The following ARHGEF10 variants were observed in gnomAD, a reference collection of about 807,000 sequenced individuals.
ARHGEF10 encodes the protein Rho guanine nucleotide exchange factor 10.
Under a neutral mutation model 147.4 loss-of-function variants are expected in ARHGEF10, and 140 were observed. The observed-to-expected ratio is 0.95, with a 90% confidence interval of 0.83 to 1.09. ARHGEF10 has a LOEUF of 1.09. Among genes scored for constraint, ARHGEF10 ranks in the 50% least tolerant of loss-of-function variants. The probability of loss-of-function intolerance (pLI) is 0.00; values close to 1 mark genes in which losing one functional copy is unlikely to be tolerated. For synonymous variants in ARHGEF10, 902 were observed against 695.8 expected (o/e 1.30, Z -4.67); for missense variants, 2,222 against 1,752.7 (o/e 1.27, Z -4.78).
intron 10 of ARHGEF10, 41 bp downstream of exon 10, chr8:1,882,790 TG>T (rs34599746): frequency 0.72 from 713,045 of 995,210 alleles, 233,096 homozygotes; most frequent in East Asian, 1. Context: ...GACACGGGGT[TG>T]GGGGGGGCGG....
chr8:1,878,390 T>C (rs1185155213), intron 8 of ARHGEF10, among the ~76,000 whole-genome samples: 2 of 152,144 alleles, frequency 1.3e-5, no homozygotes, highest in African/African-American at 2.4e-5. Flanking sequence ...TTTCACCATA[T>C]TGGCCAGGCT....
chr8:1,889,220 G>GGTGAGGGTTGTGTGAGATACTTAGGGGT (rs56072337), intron 11 of ARHGEF10, among the ~76,000 whole-genome samples: 1 of 90,040 alleles, frequency 1.1e-5, no homozygotes, highest in Non-Finnish European at 2.0e-5. Context: ...CACTGAATGG[G>GGTGAGGGTTGTGTGAGATACTTAGGGGT]GTGAGGGTTG....
At chr8:1,839,561 TG>T (rs1363694255) in intron 1 of ARHGEF10, among the ~76,000 whole-genome samples, 3 of 134,220 alleles carry the variant, frequency 2.2e-5, no homozygotes, top group Admixed American at 7.5e-5. Context: ...CTGTCTGGTG[TG>T]GGGAGTGTCT....
intron 1 of ARHGEF10, among the ~76,000 whole-genome samples, chr8:1,831,760 A>AC (rs376350218): frequency 4.0e-4 from 61 of 152,316 alleles, no homozygotes; most frequent in African/African-American, 1.3e-3. Context: ...TCGCTCCTGG[A>AC]CACCTGCACA....
chr8:1,845,277 G>T (rs913256315), intron 2 of ARHGEF10, among the ~76,000 whole-genome samples: 1 of 151,276 alleles, frequency 6.6e-6, no homozygotes, highest in Admixed American at 6.6e-5. Flanking sequence ...CACTTTGGGC[G>T]GCTGTCCCTC....
rs557515645 is a variant in ARHGEF10, at chr8:1,850,929, C to T, written c.38-7031C>T. The stretch of plus-strand genomic sequence containing the variant: ...GGAGCCTTAAATGCATCTTACTGAG[C>T]GAGAGAAGCCAACCTGAAAAGGCTG... On this transcript the variant is annotated intron_variant, in intron 2 of 28. Coordinates refer to ENST00000349830, the MANE Select transcript of ARHGEF10 (RefSeq NM_014629.4). Among the ~76,000 whole-genome samples the T allele has an allele frequency of 2.6e-5, 4 of 151,976 alleles. No homozygotes were observed. The South Asian group carries it at 6.2e-4, about 24-fold the overall frequency.
chr8:1,836,548 T>C (rs1452734776), intron 1 of ARHGEF10, among the ~76,000 whole-genome samples: 1 of 152,070 alleles, frequency 6.6e-6, no homozygotes, highest in Non-Finnish European at 1.5e-5. Context: ...GGGGGTGGGA[T>C]GTTTTGTGTG....
chr8:1,921,108 A>G (rs563909385), intron 18 of ARHGEF10, among the ~76,000 whole-genome samples: 2 of 152,318 alleles, frequency 1.3e-5, no homozygotes, highest in South Asian at 4.1e-4. Context: ...ACGAAACTTC[A>G]TGATACTTCA....
chr8:1,847,833 G>C (rs934253519), intron 2 of ARHGEF10, among the ~76,000 whole-genome samples: 3 of 152,228 alleles, frequency 2.0e-5, no homozygotes, highest in African/African-American at 7.2e-5. Flanking sequence ...ACCTTCATAT[G>C]AGAATCAAAC....
Position 1,876,535 on chromosome 8 carries a change from A to G in ARHGEF10, c.680-36A>G, listed in dbSNP as rs954309695. ...CACAAAACAGCCCACATGGAATTCT[A>G]AAGTTTTAATTTCATTTTGGAATTT... On this transcript the variant is annotated intron_variant, in intron 7 of 28. Coordinates refer to ENST00000349830, the MANE Select transcript of ARHGEF10 (RefSeq NM_014629.4). 7.5e-6 allele frequency: 12 copies of G among 1,604,716 alleles called. No individual in the cohort carries two copies. The African/African-American group carries it at 1.6e-4, about 21-fold the overall frequency.
intron 17 of ARHGEF10, among the ~76,000 whole-genome samples, chr8:1,906,893 A>G (rs1810937984): frequency 6.6e-6 from 1 of 152,230 alleles, no homozygotes. Flanking sequence ...CAGCTACAAA[A>G]TAAGTCCAAA....
chr8:1,944,767 C>G (rs945467416), intron 26 of ARHGEF10, among the ~76,000 whole-genome samples: 1 of 152,238 alleles, frequency 6.6e-6, no homozygotes, highest in African/African-American at 2.4e-5. Flanking sequence ...TCTGTCACCC[C>G]CTCCAATCCC....
chr8:1,844,424 A>C (rs146852777), intron 2 of ARHGEF10, among the ~76,000 whole-genome samples: 2,353 of 25,606 alleles, frequency 0.092, 34 homozygotes, highest in Non-Finnish European at 0.1. Flanking sequence ...TCCAGGGGTC[A>C]CCGGGGCCTG....
In ARHGEF10 at chr8:1,949,005, C is replaced by T. The variant is rs952036988; in HGVS notation, c.3397+3350C>T. 2.2e-5 allele frequency among the ~76,000 whole-genome samples: 3 copies of T among 136,152 alleles called. No individual in the cohort carries two copies. In the Admixed American group the frequency reaches 2.2e-4, roughly 10 times the overall value. 89.3% of individuals were successfully genotyped at this position (136,152 alleles called of 152,430 possible). A position where few individuals can be genotyped will look rare whatever the true frequency, so the allele number is the denominator to read the frequency against. ...CTAGAGTTGTATTCATGACGATGCT[C>T]AAATGGGTTTTCATGTGTGTGTGTG... On this transcript the variant is annotated intron_variant, in intron 27 of 28. Coordinates refer to ENST00000349830, the MANE Select transcript of ARHGEF10 (RefSeq NM_014629.4).
At chr8:1,892,254 C>T (rs1296863729) in intron 11 of ARHGEF10, among the ~76,000 whole-genome samples, 1 of 146,978 alleles carries the variant, frequency 6.8e-6, no homozygotes, top group Non-Finnish European at 1.5e-5. Context: ...GTAGCAGCAG[C>T]TGCAGCTTCC....
intron 2 of ARHGEF10, among the ~76,000 whole-genome samples, chr8:1,845,975 A>G (rs544038230): frequency 6.6e-6 from 1 of 152,312 alleles, no homozygotes; most frequent in African/African-American, 2.4e-5. Context: ...AGAGTATGAC[A>G]GGTCCACGCC....
chr8:1,889,391 AT>A (rs1487121108), intron 11 of ARHGEF10, among the ~76,000 whole-genome samples: 1 of 82,356 alleles, frequency 1.2e-5, no homozygotes, highest in Non-Finnish European at 2.3e-5. Flanking sequence ...GGAGACAGTG[AT>A]GTGAGGCATC....
At chr8:1,852,298 G>A (rs1353124995) in intron 2 of ARHGEF10, among the ~76,000 whole-genome samples, 1 of 22,370 alleles carries the variant, frequency 4.5e-5, no homozygotes, top group African/African-American at 2.1e-4. Flanking sequence ...GGAGAGGACC[G>A]GGGAGCAGCA....
chr8:1,905,609 T>C lies in ARHGEF10; in HGVS notation c.1860T>C (p.Asp620=), dbSNP rs749634568. The part of the protein sequence containing the change: ...SSGSRYLIRS[D]DMIETVYNDR... The stretch of plus-strand genomic sequence containing the variant: ...GAAGCCGATACCTCATTCGATCAGA[T>C]GATATGATAGAAACAGTTTACAACG... The change falls in exon 17 of 29, where the codon GAT becomes GAC. Residue 620 remains aspartate (D), a synonymous_variant. Coordinates refer to ENST00000349830, the MANE Select transcript of ARHGEF10 (RefSeq NM_014629.4). 3.8e-5 allele frequency: 62 copies of C among 1,614,084 alleles called. No homozygotes were observed. The highest frequency in any genetic ancestry group is 5.2e-5 in the Non-Finnish European group (61 of 1,180,034).
Sources: gnomAD v4.1 joint callset for allele counts (sites outside exome capture counted in the v4.1 genomes callset) on GRCh38, gnomAD v4.1.1 for gene constraint, MANE v1.5 for transcripts, NCBI Gene and HGNC (gene_info 2026-07-23, HGNC 2026-07-21) for gene names.